Variants in LRFN5 observed in about 807,000 individuals in gnomAD.
The protein encoded by LRFN5 is leucine rich repeat and fibronectin type III domain containing 5.
LRFN5 carries 24 observed loss-of-function variants against 45.6 expected under a neutral mutation model. The observed-to-expected ratio is 0.53, with a 90% CI of 0.38 to 0.74. The LOEUF (loss-of-function observed/expected upper bound fraction) is 0.74, where lower values mean the gene tolerates loss of function less well. Among genes scored for constraint, LRFN5 ranks in the 30% least tolerant of loss-of-function variants. The probability of loss-of-function intolerance (pLI) is 0.00; values close to 1 mark genes in which losing one functional copy is unlikely to be tolerated. For synonymous variants in LRFN5, 340 were observed against 313.8 expected, an observed-to-expected ratio of 1.08 and a Z score of -0.88; for missense variants, 776 against 861.5, an observed-to-expected ratio of 0.90 and a Z score of 1.24.
chr14:41,754,160 G>T (rs2138851036), intron 1 of LRFN5, among the ~76,000 whole-genome samples: 1 of 152,256 alleles, frequency 6.6e-6, no homozygotes, highest in African/African-American at 2.4e-5. Flanking sequence ...GCTGGATTCG[G>T]TTTGCCAGTA....
At chr14:41,731,076 A>T (rs41319550) in intron 1 of LRFN5, among the ~76,000 whole-genome samples, 32,275 of 151,940 alleles carry the variant, frequency 0.21, 3,508 homozygotes, top group Non-Finnish European at 0.23. Context: ...TGATGCAATG[A>T]TAATAAATTT....
intron 2 of LRFN5, among the ~76,000 whole-genome samples, chr14:41,877,532 AT>A (rs1392906539): frequency 6.6e-6 from 1 of 151,972 alleles, no homozygotes; most frequent in Non-Finnish European, 1.5e-5. Context: ...TATTTTTAAA[AT>A]TATTTGTTTT....
intron 1 of LRFN5, among the ~76,000 whole-genome samples, chr14:41,629,884 T>G (rs534553315): frequency 6.6e-6 from 1 of 152,140 alleles, no homozygotes; most frequent in Admixed American, 6.6e-5. Flanking sequence ...AGAGCCTTAC[T>G]TTTTTTTATG....
chr14:41,901,229 C>T (rs951797838), intron 5 of LRFN5, among the ~76,000 whole-genome samples: 4 of 151,974 alleles, frequency 2.6e-5, no homozygotes, highest in African/African-American at 9.7e-5. Flanking sequence ...GATAACTCTA[C>T]GTGGAAATTG....
chr14:41,776,374 G>A (rs534743322), intron 2 of LRFN5, among the ~76,000 whole-genome samples: 7 of 152,170 alleles, frequency 4.6e-5, no homozygotes, highest in African/African-American at 1.2e-4. Flanking sequence ...GAGTATCCCC[G>A]TTTTGGTGTC....
At chr14:41,681,408 A>G (rs1312035836) in intron 1 of LRFN5, among the ~76,000 whole-genome samples, 1 of 152,168 alleles carries the variant, frequency 6.6e-6, no homozygotes, top group African/African-American at 2.4e-5. Flanking sequence ...TAGCTCCACT[A>G]CCTCTGACAG....
chr14:41,659,636 C>T (rs1594589444), intron 1 of LRFN5, among the ~76,000 whole-genome samples: 1 of 152,130 alleles, frequency 6.6e-6, no homozygotes, highest in Non-Finnish European at 1.5e-5. Context: ...CACTGTCTCC[C>T]ACAATGTTTG....
At chr14:41,692,728 A>G (rs1017494003) in intron 1 of LRFN5, among the ~76,000 whole-genome samples, 1 of 152,112 alleles carries the variant, frequency 6.6e-6, no homozygotes, top group Non-Finnish European at 1.5e-5. Flanking sequence ...TATGTTTTTA[A>G]CTTGGTAAAG....
At chr14:41,622,978 A>G (rs1888187491) in intron 1 of LRFN5, among the ~76,000 whole-genome samples, 1 of 152,132 alleles carries the variant, frequency 6.6e-6, no homozygotes, top group African/African-American at 2.4e-5. Context: ...CTGAGTTATG[A>G]TATACCATAT....
chr14:41,904,051 A>T (rs1891175989), intron 5 of LRFN5, 107 bp from the exon 6 acceptor site: 5 of 920,736 alleles, frequency 5.4e-6, no homozygotes, highest in Non-Finnish European at 3.3e-6. Context: ...TTGGGTGCTT[A>T]CATTTAGTTA....
chr14:41,853,610 T>G (rs1248691026), intron 2 of LRFN5, among the ~76,000 whole-genome samples: 1 of 152,032 alleles, frequency 6.6e-6, no homozygotes, highest in Non-Finnish European at 1.5e-5. Context: ...TGAGATATTA[T>G]TAAACATCTA....
chr14:41,893,534 A>G, intron 4 of LRFN5: 4 of 984,584 alleles, frequency 4.1e-6, no homozygotes, highest in Non-Finnish European at 4.8e-6. Flanking sequence ...TTAAACACAC[A>G]GTAAAAGTTT....
chr14:41,879,731 G>GTTTATATTTTCT (rs1369398124), intron 2 of LRFN5, among the ~76,000 whole-genome samples: 3,162 of 149,260 alleles, frequency 0.021, 101 homozygotes, highest in African/African-American at 0.073. Context: ...GTATCTTCTT[G>GTTTATATTTTCT]TCTATACATT....
chr14:41,880,212 C>A (rs1890333122), intron 2 of LRFN5, among the ~76,000 whole-genome samples: 1 of 151,946 alleles, frequency 6.6e-6, no homozygotes, highest in South Asian at 2.1e-4. Context: ...CAGGTGTGAG[C>A]CACCGCGCCC....
chr14:41,896,692 A>G (rs1890950768), intron 4 of LRFN5, among the ~76,000 whole-genome samples: 1 of 152,130 alleles, frequency 6.6e-6, no homozygotes, highest in African/African-American at 2.4e-5. Flanking sequence ...ATACGCTGGG[A>G]TTATTAATAA....
intron 1 of LRFN5, among the ~76,000 whole-genome samples, chr14:41,705,294 A>G (rs985950588): frequency 2.0e-5 from 3 of 152,190 alleles, no homozygotes; most frequent in Non-Finnish European, 4.4e-5. Context: ...CATAAATACT[A>G]ATGTCACCAC....
intron 1 of LRFN5, among the ~76,000 whole-genome samples, chr14:41,689,632 C>T (rs1354992299): frequency 2.0e-5 from 3 of 152,086 alleles, no homozygotes; most frequent in African/African-American, 4.8e-5. Context: ...CGGTGGCTCA[C>T]GCTTGTAATC....
At chr14:41,693,622 T>C (rs1476436623) in intron 1 of LRFN5, among the ~76,000 whole-genome samples, 1 of 152,100 alleles carries the variant, frequency 6.6e-6, no homozygotes, top group Non-Finnish European at 1.5e-5. Context: ...TAACATGTAT[T>C]GAAATGTTGT....
intron 1 of LRFN5, among the ~76,000 whole-genome samples, chr14:41,736,315 G>A (rs1172975163): frequency 2.0e-5 from 3 of 152,260 alleles, no homozygotes; most frequent in African/African-American, 4.8e-5. Context: ...GCATGAGATG[G>A]TATCTCATTG....
Sources: allele counts gnomAD v4.1 joint callset (sites outside exome capture counted in the v4.1 genomes callset), GRCh38; gene constraint gnomAD v4.1.1; transcripts MANE v1.5; gene names NCBI Gene and HGNC (gene_info 2026-07-23, HGNC 2026-07-21).